LRRC8D: variants seen among roughly 807,000 people sequenced by gnomAD.
LRRC8D encodes volume-regulated anion channel subunit LRRC8D.
In LRRC8D, 20 loss-of-function variants were observed where a neutral mutation model predicts 55.8. That is an observed-to-expected ratio of 0.36 (90% CI 0.25 to 0.52). LRRC8D has a LOEUF of 0.52. Ranked by LOEUF, LRRC8D falls within the 20% of genes least tolerant of loss-of-function variation. The pLI is 0.93. For missense variants in LRRC8D, 651 were observed against 1,030.8 expected (o/e 0.63, Z 5.05); for synonymous variants, 352 against 377.0 (o/e 0.93, Z 0.77).
intron 2 of LRRC8D, among the ~76,000 whole-genome samples, chr1:89,900,115 T>A (rs1049336954): frequency 2.0e-5 from 3 of 152,072 alleles, no homozygotes; most frequent in Non-Finnish European, 4.4e-5. Context: ...AAGGGAGGAT[T>A]AAAAGGACTG....
intron 2 of LRRC8D, among the ~76,000 whole-genome samples, chr1:89,852,713 T>C (rs535137973): frequency 6.6e-6 from 1 of 152,240 alleles, no homozygotes; most frequent in South Asian, 2.1e-4. Flanking sequence ...AAGGAGGGGA[T>C]TTTGGTGCTG....
At chr1:89,904,693 T>G (rs1237570684) in intron 2 of LRRC8D, among the ~76,000 whole-genome samples, 1 of 152,222 alleles carries the variant, frequency 6.6e-6, no homozygotes, top group African/African-American at 2.4e-5. Context: ...TCCAGAGTCA[T>G]GACTTAGTAG....
At chr1:89,920,872 T>G (rs910300017) in intron 2 of LRRC8D, among the ~76,000 whole-genome samples, 3 of 152,176 alleles carry the variant, frequency 2.0e-5, no homozygotes, top group Non-Finnish European at 4.4e-5. Flanking sequence ...GGAAGGCTTG[T>G]TGTAGAGATG....
In LRRC8D at chr1:89,913,631, A is replaced by G. The variant is rs189856084; in HGVS notation, c.-2-19436A>G. Reference sequence around the variant, plus strand: ...TACAAACAAATGCTTGCAACATGGAATTCTCTCTACACTTTTTTGTCTCAT... The same window carrying G: ...TACAAACAAATGCTTGCAACATGGAGTTCTCTCTACACTTTTTTGTCTCAT... On this transcript the variant is annotated intron_variant, in intron 2 of 2. Transcript: ENST00000337338. Among the ~76,000 whole-genome samples, 23 of 152,324 alleles carry G rather than the reference A, an allele frequency of 1.5e-4. No homozygotes were observed. In the East Asian group the frequency reaches 4.4e-3, roughly 29 times the overall value.
chr1:89,841,934 C>T (rs1027707718), intron 1 of LRRC8D, among the ~76,000 whole-genome samples: 1 of 152,106 alleles, frequency 6.6e-6, no homozygotes, highest in Non-Finnish European at 1.5e-5. Context: ...GATCATTGGC[C>T]AGGAGTGGTG....
rs1371821710 is a variant in LRRC8D, at chr1:89,935,045, T to C, written c.1977T>C (p.Asn659=). The change falls in exon 3 of 3, where the codon AAT becomes AAC. Residue 659 remains asparagine, a synonymous_variant. Transcript: ENST00000337338. Reference sequence around the variant, plus strand: ...CACATGCTATTTTCAGCCTCTCTAATTTACAGGAACTGGATTTAAAGTCCA... The same window carrying C: ...CACATGCTATTTTCAGCCTCTCTAACTTACAGGAACTGGATTTAAAGTCCA... The part of the protein sequence containing the change: ...RIPHAIFSLS[N]LQELDLKSNN... 6.2e-7 allele frequency: 1 copy of C among 1,614,212 alleles called. No individual in the cohort carries two copies. The highest frequency in any genetic ancestry group is 2.2e-5 in the East Asian group (1 of 44,886).
At chr1:89,893,645 C>T (rs1381292626) in intron 2 of LRRC8D, among the ~76,000 whole-genome samples, 10 of 151,982 alleles carry the variant, frequency 6.6e-5, no homozygotes, top group South Asian at 2.1e-4. Flanking sequence ...ATGGGACATA[C>T]GTTATTGTTC....
intron 2 of LRRC8D, among the ~76,000 whole-genome samples, chr1:89,900,599 G>A (rs1378073319): frequency 6.6e-6 from 1 of 152,154 alleles, no homozygotes; most frequent in Non-Finnish European, 1.5e-5. Context: ...TCGAAGCATA[G>A]TGGCACTTAC....
chr1:89,889,205 T>C (rs1472580428), intron 2 of LRRC8D, among the ~76,000 whole-genome samples: 1 of 152,174 alleles, frequency 6.6e-6, no homozygotes, highest in African/African-American at 2.4e-5. Flanking sequence ...AATTTCAGGC[T>C]AATCATGAGA....
At position 89,877,278 on chromosome 1, in the gene LRRC8D, A is replaced by T. The variant is rs17130911; in HGVS notation, c.-3+33496A>T. On this transcript the variant is annotated intron_variant, in intron 2 of 2. Transcript: ENST00000337338. ...TGTTTATTAAGAGTTACTTGTAGGGATCCAGTTCTGCCACTTACAGCTTTT... is the reference window on the plus strand; with the variant it reads ...TGTTTATTAAGAGTTACTTGTAGGGTTCCAGTTCTGCCACTTACAGCTTTT... Among the ~76,000 whole-genome samples the T allele has an allele frequency of 7.5e-3, 1,133 of 150,862 alleles. 8 individuals are homozygous for T. Among genetic ancestry groups the T allele is most frequent in the African/African-American group, 0.027 (1,089 of 40,998 alleles).
intron 2 of LRRC8D, among the ~76,000 whole-genome samples, chr1:89,860,785 A>AAATATATATATAT (rs1553123917): frequency 3.5e-5 from 1 of 28,194 alleles, no homozygotes; most frequent in Non-Finnish European, 7.2e-5. Flanking sequence ...AAAAAAAAAA[A>AAATATATATATAT]ATATATATAT....
At chr1:89,919,489 A>C (rs1454273189) in intron 2 of LRRC8D, among the ~76,000 whole-genome samples, 2 of 152,218 alleles carry the variant, frequency 1.3e-5, no homozygotes, top group Admixed American at 1.3e-4. Context: ...TAGAAGAAAT[A>C]CTATTAAATG....
chr1:89,916,808 T>A (rs531022792), intron 2 of LRRC8D, among the ~76,000 whole-genome samples: 1 of 152,284 alleles, frequency 6.6e-6, no homozygotes, highest in South Asian at 2.1e-4. Context: ...TCCCCAAATT[T>A]TTCTGGACAT....
At chr1:89,831,834 A>G (rs1461340470) in intron 1 of LRRC8D, among the ~76,000 whole-genome samples, 1 of 152,222 alleles carries the variant, frequency 6.6e-6, no homozygotes. Flanking sequence ...GAATGCTGGA[A>G]AATGTTTGCA....
chr1:89,896,459 T>A (rs1662715515), intron 2 of LRRC8D, among the ~76,000 whole-genome samples: 1 of 152,194 alleles, frequency 6.6e-6, no homozygotes, highest in African/African-American at 2.4e-5. Flanking sequence ...CAGCACACTT[T>A]ACACACTGGG....
intron 2 of LRRC8D, among the ~76,000 whole-genome samples, chr1:89,857,382 CAAAAAAAAA>C (rs759975883): frequency 3.2e-5 from 2 of 63,044 alleles, no homozygotes; most frequent in Non-Finnish European, 6.6e-5. Context: ...AACTCCATCT[CAAAAAAAAA>C]AAAAAAAAAA....
intron 1 of LRRC8D, among the ~76,000 whole-genome samples, chr1:89,831,043 T>C (rs1660874386): frequency 6.6e-6 from 1 of 151,664 alleles, no homozygotes; most frequent in South Asian, 2.1e-4. Flanking sequence ...GTAGCTGGGA[T>C]TACAGGTACG....
At chr1:89,822,126 T>A (rs1373932027) in intron 1 of LRRC8D, 1 of 152,632 alleles carries the variant, frequency 6.6e-6, no homozygotes, top group Non-Finnish European at 1.5e-5. Context: ...TGAGATTTTT[T>A]GATTTCTTAA....
chr1:89,910,385 T>A (rs963658838), intron 2 of LRRC8D, among the ~76,000 whole-genome samples: 2 of 152,218 alleles, frequency 1.3e-5, no homozygotes, highest in East Asian at 1.9e-4. Context: ...GAATTGTCTT[T>A]TAAAAAGTGA....
Sources: gnomAD v4.1 joint callset for allele counts (sites outside exome capture counted in the v4.1 genomes callset) on GRCh38, gnomAD v4.1.1 for gene constraint, MANE v1.5 for transcripts, NCBI Gene and HGNC (gene_info 2026-07-23, HGNC 2026-07-21) for gene names.